Variants in GPHN observed in about 807,000 individuals in gnomAD.
GPHN encodes gephyrin.
Under a neutral mutation model 95.5 loss-of-function variants are expected in GPHN, and 17 were observed. That is an observed-to-expected ratio of 0.18 (90% CI 0.12 to 0.27). The LOEUF is 0.27. Among genes scored for constraint, GPHN ranks in the 10% least tolerant of loss-of-function variants. The pLI is 1.00. For synonymous variants in GPHN, 320 were observed against 322.5 expected, an observed-to-expected ratio of 0.99 and a Z score of 0.08; for missense variants, 660 against 978.1, an observed-to-expected ratio of 0.67 and a Z score of 4.34.
At chr14:66,531,768 T>G (rs1408992437) in intron 1 of GPHN, among the ~76,000 whole-genome samples, 1 of 152,212 alleles carries the variant, frequency 6.6e-6, no homozygotes, top group Non-Finnish European at 1.5e-5. Context: ...ATGCTTTAAG[T>G]ATGATTAGTT....
At chr14:67,108,829 A>G (rs2078199017) in intron 13 of GPHN, among the ~76,000 whole-genome samples, 1 of 152,134 alleles carries the variant, frequency 6.6e-6, no homozygotes, top group Non-Finnish European at 1.5e-5. Context: ...AACATTAAAT[A>G]TACCATCTTG....
the GPHN span, among the ~76,000 whole-genome samples, chr14:67,530,170 A>G: frequency 2.0e-5 from 3 of 152,216 alleles, no homozygotes; most frequent in Non-Finnish European, 2.9e-5. Flanking sequence ...ACTCCAGCCA[A>G]TATTTGTTCA....
chr14:67,515,685 C>T, the GPHN span, among the ~76,000 whole-genome samples: 2 of 152,198 alleles, frequency 1.3e-5, no homozygotes, highest in African/African-American at 4.8e-5. Flanking sequence ...CCTAGCCAAC[C>T]CGCCTGCATT....
intron 2 of GPHN, among the ~76,000 whole-genome samples, chr14:66,722,083 T>C (rs1311522982): frequency 3.3e-5 from 5 of 151,788 alleles, no homozygotes; most frequent in African/African-American, 1.2e-4. Context: ...AAGTATTGTT[T>C]ATTACTTTAT....
chr14:67,498,278 C>T, the GPHN span, among the ~76,000 whole-genome samples: 6 of 152,144 alleles, frequency 3.9e-5, no homozygotes, highest in East Asian at 5.8e-4. Context: ...TTCTGAGCCA[C>T]GATGGGGGGT....
chr14:66,606,369 G>C (rs529426131), intron 1 of GPHN, among the ~76,000 whole-genome samples: 3 of 152,174 alleles, frequency 2.0e-5, no homozygotes, highest in East Asian at 1.9e-4. Context: ...TTTTGTACCA[G>C]TCCCGTGCTA....
the GPHN span, among the ~76,000 whole-genome samples, chr14:67,209,834 A>G: frequency 6.6e-6 from 1 of 151,764 alleles, no homozygotes; most frequent in Non-Finnish European, 1.5e-5. Flanking sequence ...AAAAAAAAAA[A>G]AAAAGAAACG....
At chr14:66,593,144 G>C (rs1334553607) in intron 1 of GPHN, among the ~76,000 whole-genome samples, 1 of 152,144 alleles carries the variant, frequency 6.6e-6, no homozygotes, top group Non-Finnish European at 1.5e-5. Context: ...ACTGGGGCCT[G>C]TCTGGGGGTT....
Position 66,655,066 on chromosome 14 carries a change from A to T in GPHN, c.65-26041A>T, listed in dbSNP as rs1240588138. 2.0e-5 allele frequency among the ~76,000 whole-genome samples: 3 copies of T among 152,126 alleles called. No individual in the cohort carries two copies. In the East Asian group the frequency reaches 5.8e-4, roughly 29 times the overall value. On this transcript the variant is annotated intron_variant, in intron 1 of 22. Transcript: ENST00000478722. Reference sequence around the variant, plus strand: ...TTGAGAAGACTGATACCTCACACTTAATTCTTTTTCAAAATTGTTTTAGCT... The same window carrying T: ...TTGAGAAGACTGATACCTCACACTTTATTCTTTTTCAAAATTGTTTTAGCT...
At chr14:66,629,421 A>G (rs1290452858) in intron 1 of GPHN, among the ~76,000 whole-genome samples, 1 of 151,500 alleles carries the variant, frequency 6.6e-6, no homozygotes, top group Admixed American at 6.6e-5. Context: ...ACTAAATAAC[A>G]CCTGTGGAGC....
intron 2 of GPHN, among the ~76,000 whole-genome samples, chr14:66,684,627 G>C (rs887243225): frequency 1.3e-5 from 2 of 152,134 alleles, no homozygotes; most frequent in Non-Finnish European, 2.9e-5. Context: ...ACTTGTTACT[G>C]GGCTTGAATG....
At chr14:66,889,533 A>C (rs187282349) in intron 5 of GPHN, among the ~76,000 whole-genome samples, 1 of 152,306 alleles carries the variant, frequency 6.6e-6, no homozygotes, top group African/African-American at 2.4e-5. Flanking sequence ...TAAAGAAGAA[A>C]TCATAAGGGA....
chr14:67,121,484 T>C (rs1358687259), intron 16 of GPHN, among the ~76,000 whole-genome samples: 1 of 152,286 alleles, frequency 6.6e-6, no homozygotes, highest in Admixed American at 6.5e-5. Context: ...AGGTAGTTAT[T>C]ATTACTATAT....
At chr14:66,939,029 AT>A (rs1366030536) in intron 8 of GPHN, among the ~76,000 whole-genome samples, 2 of 152,198 alleles carry the variant, frequency 1.3e-5, no homozygotes, top group Non-Finnish European at 2.9e-5. Context: ...CTAACACCAT[AT>A]ACAAAAATTA....
At chr14:67,300,550 AC>A in the GPHN span, among the ~76,000 whole-genome samples, 593 of 152,176 alleles carry the variant, frequency 3.9e-3, 3 homozygotes, top group Middle Eastern at 0.014. Flanking sequence ...CTGGTCTCGA[AC>A]TCCTGACCTC....
the GPHN span, chr14:67,725,032 T>G: frequency 1.3e-6 from 2 of 1,564,202 alleles, no homozygotes; most frequent in African/African-American, 1.4e-5. Context: ...AGTCCCAAGC[T>G]CACTTACTAT....
At chr14:67,403,261 T>C in the GPHN span, among the ~76,000 whole-genome samples, 8 of 152,232 alleles carry the variant, frequency 5.3e-5, no homozygotes, top group East Asian at 1.9e-4. Context: ...CCATTTTGCA[T>C]TGATGCATGT....
chr14:66,632,148 CA>C (rs1204867187), intron 1 of GPHN, among the ~76,000 whole-genome samples: 15 of 152,064 alleles, frequency 9.9e-5, no homozygotes, highest in Non-Finnish European at 1.8e-4. Context: ...GAGGGGAGAG[CA>C]ATGTTTCATG....
chr14:67,014,195 A>G (rs200273866), intron 9 of GPHN, among the ~76,000 whole-genome samples: 1 of 152,118 alleles, frequency 6.6e-6, no homozygotes, highest in Non-Finnish European at 1.5e-5. Flanking sequence ...AGCTAACAAT[A>G]TATACTGTTA....
Sources: allele counts gnomAD v4.1 joint callset (sites outside exome capture counted in the v4.1 genomes callset), GRCh38; gene constraint gnomAD v4.1.1; transcripts MANE v1.5; gene names NCBI Gene and HGNC (gene_info 2026-07-23, HGNC 2026-07-21).